ZFAT: variants seen among roughly 807,000 people sequenced by gnomAD.
ZFAT encodes zinc finger protein ZFAT.
In ZFAT, 64 loss-of-function variants were observed where a neutral mutation model predicts 117.7. The ratio of observed to expected loss-of-function variants is 0.54; its 90% CI spans 0.44 to 0.67. The LOEUF is 0.67. Among genes scored for constraint, ZFAT ranks in the 30% least tolerant of loss-of-function variants. The pLI, the probability that ZFAT is intolerant of heterozygous loss-of-function variation, is 0.00. For missense variants in ZFAT, 1,433 were observed against 1,584.5 expected (o/e 0.90, Z 1.62); for synonymous variants, 679 against 615.0 (o/e 1.10, Z -1.54).
chr8:134,669,431 G>C (rs1023688017), intron 1 of ZFAT, among the ~76,000 whole-genome samples: 4 of 152,218 alleles, frequency 2.6e-5, no homozygotes, highest in African/African-American at 9.6e-5. Flanking sequence ...AGCCAGAAGA[G>C]AGTGGAAGCC....
intron 1 of ZFAT, among the ~76,000 whole-genome samples, chr8:134,690,669 AAAG>A (rs1433112043): frequency 2.0e-5 from 3 of 152,342 alleles, no homozygotes. Flanking sequence ...GACACTGGGA[AAAG>A]AAGAATTCTC....
chr8:134,639,154 G>A (rs1030310452), intron 2 of ZFAT, among the ~76,000 whole-genome samples: 3 of 152,216 alleles, frequency 2.0e-5, no homozygotes, highest in Non-Finnish European at 4.4e-5. Flanking sequence ...CAGGGGCAAA[G>A]GGGAGCAGAG....
intron 10 of ZFAT, among the ~76,000 whole-genome samples, chr8:134,575,109 C>T (rs1217293552): frequency 6.6e-6 from 1 of 152,176 alleles, no homozygotes; most frequent in Non-Finnish European, 1.5e-5. Flanking sequence ...CATGAGCTGA[C>T]ATCCATAGTA....
chr8:134,654,667 G>T (rs1831483300), intron 2 of ZFAT, among the ~76,000 whole-genome samples: 1 of 152,220 alleles, frequency 6.6e-6, no homozygotes, highest in African/African-American at 2.4e-5. Flanking sequence ...AGCCACTGAA[G>T]TTTCTTGAGC....
chr8:134,749,182 G>GT, the ZFAT span, among the ~76,000 whole-genome samples: 3 of 152,088 alleles, frequency 2.0e-5, no homozygotes, highest in Non-Finnish European at 4.4e-5. Context: ...TGTGTTTAGT[G>GT]TTTTTTCTCT....
intron 9 of ZFAT, among the ~76,000 whole-genome samples, chr8:134,584,803 G>A (rs888020284): frequency 6.6e-6 from 1 of 152,186 alleles, no homozygotes; most frequent in Non-Finnish European, 1.5e-5. Flanking sequence ...GAAGGGGAAA[G>A]AGGGCGGGGA....
chr8:134,822,478 C>T, the ZFAT span, among the ~76,000 whole-genome samples: 2 of 152,094 alleles, frequency 1.3e-5, no homozygotes, highest in Admixed American at 6.5e-5. Flanking sequence ...CAACTCACAG[C>T]TTGCATAAAA....
chr8:134,584,568 T>G (rs1256224367), intron 9 of ZFAT, among the ~76,000 whole-genome samples: 1 of 152,216 alleles, frequency 6.6e-6, no homozygotes, highest in East Asian at 1.9e-4. Context: ...AAATCGAACT[T>G]TACCAACTGG....
chr8:134,689,566 G>A (rs796112822), intron 1 of ZFAT, among the ~76,000 whole-genome samples: 3 of 152,168 alleles, frequency 2.0e-5, no homozygotes, highest in Non-Finnish European at 4.4e-5. Flanking sequence ...GATGTGATTC[G>A]CATACTACGA....
chr8:134,612,921 G>T (rs1828448629), intron 3 of ZFAT, among the ~76,000 whole-genome samples: 1 of 152,190 alleles, frequency 6.6e-6, no homozygotes, highest in Non-Finnish European at 1.5e-5. Flanking sequence ...TTTGCATCAT[G>T]CCTAACAGCA....
the ZFAT span, among the ~76,000 whole-genome samples, chr8:134,774,622 G>C: frequency 6.6e-6 from 1 of 152,214 alleles, no homozygotes. Context: ...ACAGACTACA[G>C]TATATTGTAA....
At chr8:134,711,779 CT>C (rs1380928316) in intron 1 of ZFAT, among the ~76,000 whole-genome samples, 1 of 152,170 alleles carries the variant, frequency 6.6e-6, no homozygotes, top group Non-Finnish European at 1.5e-5. Context: ...TGGGACTGCT[CT>C]TTACCCCTGC....
chr8:134,772,123 A>G, the ZFAT span, among the ~76,000 whole-genome samples: 2 of 152,240 alleles, frequency 1.3e-5, no homozygotes, highest in Non-Finnish European at 2.9e-5. Context: ...TATATGAGAC[A>G]CAACAATATT....
chr8:134,709,692 A>G (rs1276446786), intron 1 of ZFAT, among the ~76,000 whole-genome samples: 2 of 152,250 alleles, frequency 1.3e-5, no homozygotes, highest in Non-Finnish European at 2.9e-5. Context: ...TTTTTAATAT[A>G]TCTGATTCTT....
At chr8:134,701,271 G>A (rs1834000759) in intron 1 of ZFAT, among the ~76,000 whole-genome samples, 1 of 152,128 alleles carries the variant, frequency 6.6e-6, no homozygotes, top group African/African-American at 2.4e-5. Context: ...TAATCATTTG[G>A]TAATTGTCTT....
the ZFAT span, among the ~76,000 whole-genome samples, chr8:134,744,757 G>A: frequency 9.1e-6 from 1 of 109,760 alleles, no homozygotes; most frequent in African/African-American, 3.7e-5. Flanking sequence ...TGAGACGGAG[G>A]CTTGCTCTGT....
rs548641713 is a variant in ZFAT at position 134,536,147 on chromosome 8, C to CA, written c.2977-3176dup. Among the ~76,000 whole-genome samples the CA allele has an allele frequency of 1.2e-4, 19 of 152,186 alleles. No individual in the cohort carries two copies. The South Asian group carries it at 3.5e-3, about 28-fold the overall frequency. On this transcript the variant is annotated intron_variant, in intron 11 of 15. Transcript: ENST00000377838. ...AGTTGCCAAAATGTAAGCATATTGGCAAAAAATGTGTGTGTGAGCCCAAAT... is the reference window on the plus strand; with the variant it reads ...AGTTGCCAAAATGTAAGCATATTGGCAAAAAAATGTGTGTGTGAGCCCAAAT...
the ZFAT span, among the ~76,000 whole-genome samples, chr8:134,739,482 C>T: frequency 1.3e-5 from 2 of 152,308 alleles, no homozygotes; most frequent in East Asian, 1.9e-4. Flanking sequence ...GTCATAGCCT[C>T]TCTCTGTCTT....
intron 11 of ZFAT, among the ~76,000 whole-genome samples, chr8:134,550,379 A>G (rs1359702965): frequency 6.7e-6 from 1 of 150,102 alleles, no homozygotes; most frequent in Non-Finnish European, 1.5e-5. Context: ...CCTTCATATC[A>G]TTTACGAAGC....
Sources: gnomAD v4.1 joint callset for allele counts (sites outside exome capture counted in the v4.1 genomes callset) on GRCh38, gnomAD v4.1.1 for gene constraint, MANE v1.5 for transcripts, NCBI Gene and HGNC (gene_info 2026-07-23, HGNC 2026-07-21) for gene names.